PIWIL2: variants seen among roughly 807,000 people sequenced by gnomAD.
The protein encoded by PIWIL2 is piwi like RNA-mediated gene silencing 2.
In PIWIL2, 81 loss-of-function variants were observed where a neutral mutation model predicts 116.5. The observed-to-expected ratio is 0.70, with a 90% CI of 0.58 to 0.84. PIWIL2 has a LOEUF of 0.84. Among genes scored for constraint, PIWIL2 ranks in the 40% least tolerant of loss-of-function variants. The pLI is 0.00. For missense variants in PIWIL2, 1,272 were observed against 1,212.3 expected, an observed-to-expected ratio of 1.05 and a Z score of -0.73; for synonymous variants, 489 against 429.5, an observed-to-expected ratio of 1.14 and a Z score of -1.71.
At chr8:22,306,322 A>G (rs1291969402) in intron 13 of PIWIL2, among the ~76,000 whole-genome samples, 1 of 152,246 alleles carries the variant, frequency 6.6e-6, no homozygotes, top group Non-Finnish European at 1.5e-5. Flanking sequence ...CAGGTGGATA[A>G]TTGTAAACTG....
intron 20 of PIWIL2, among the ~76,000 whole-genome samples, chr8:22,342,142 A>G (rs1435329252): frequency 7.4e-6 from 1 of 134,598 alleles, no homozygotes; most frequent in African/African-American, 2.5e-5. Context: ...AAACTACAAA[A>G]CTGATGAAAA....
At chr8:22,308,577 C>T (rs987003884) in intron 14 of PIWIL2, among the ~76,000 whole-genome samples, 13 of 151,988 alleles carry the variant, frequency 8.6e-5, no homozygotes, top group African/African-American at 2.2e-4. Context: ...CACTTGAACC[C>T]GGGAGGTGGA....
Position 22,353,133 on chromosome 8 carries a change from C to T in PIWIL2, c.2578C>T (p.Leu860=). Residue 860 remains leucine (L), a synonymous_variant, in exon 21 of 23, where the codon CTA becomes TTA. Transcript: ENST00000356766. ...FVVQKKISTN[L]YLAAPQNFVT... ...AGTTCAGAAGAAAATCAGTACTAAT[C>T]TATATCTGGCTGCTCCTCAGAACTT... 1 of 1,613,620 alleles carries T rather than the reference C, an allele frequency of 6.2e-7. No homozygotes were observed. The highest frequency in any genetic ancestry group is 1.1e-5 in the South Asian group (1 of 91,060).
intron 19 of PIWIL2, among the ~76,000 whole-genome samples, chr8:22,317,721 A>C (rs1831495397): frequency 6.6e-6 from 1 of 151,976 alleles, no homozygotes; most frequent in Admixed American, 6.6e-5. Context: ...ATGCAATGGC[A>C]CAGTCTCAGC....
intron 10 of PIWIL2, among the ~76,000 whole-genome samples, chr8:22,291,779 A>T (rs925351804): frequency 2.6e-5 from 4 of 152,202 alleles, no homozygotes; most frequent in African/African-American, 7.2e-5. Flanking sequence ...GAGTCTTAGG[A>T]CCTATCAGAT....
chr8:22,310,153 G>A, intron 15 of PIWIL2, 79 bp downstream of exon 15: 2 of 764,492 alleles, frequency 2.6e-6, no homozygotes, highest in Non-Finnish European at 4.4e-6. Context: ...ATGATCTAGA[G>A]TCTTCTTTTT....
At chr8:22,283,726 G>T (rs1375277145) in intron 5 of PIWIL2, among the ~76,000 whole-genome samples, 2 of 152,166 alleles carry the variant, frequency 1.3e-5, no homozygotes, top group Admixed American at 6.6e-5. Context: ...GACAATTTCT[G>T]AAGTTAGATG....
Position 22,349,141 on chromosome 8 carries a change from C to T in PIWIL2, c.2404-3818C>T, listed in dbSNP as rs183058842. The stretch of plus-strand genomic sequence containing the variant: ...TCTGCTCACTGCAACCTCTGCCCCC[C>T]GGGTTCAATGCACGCCACCAGGCCT... On this transcript the variant is annotated intron_variant, in intron 20 of 22. Transcript: ENST00000356766. Among the ~76,000 whole-genome samples the T allele has an allele frequency of 5.0e-3, 747 of 150,656 alleles. 4 individuals carry two copies. Among genetic ancestry groups the T allele is most frequent in the Non-Finnish European group, 7.4e-3 (503 of 67,698 alleles).
At chr8:22,290,100 TAAC>T in intron 9 of PIWIL2, 130 bp from the exon 10 acceptor site, 1 of 704,484 alleles carries the variant, frequency 1.4e-6, no homozygotes, top group Non-Finnish European at 2.4e-6. Flanking sequence ...TAATGTCAAT[TAAC>T]TTAGTTTCTT....
chr8:22,283,106 A>C lies in PIWIL2; in HGVS notation c.498A>C (p.Glu166Asp), dbSNP rs1830548247. 1 of 1,614,022 alleles carries C rather than the reference A, an allele frequency of 6.2e-7. No individual in the cohort carries two copies. The highest frequency in any genetic ancestry group is 1.3e-5 in the African/African-American group (1 of 74,908). ...GAGCAGCAGGTGGTATCAGCAGAGA[A>C]GTGGACAAGCCTCCCTGTACCTTCA... is the stretch of plus-strand genomic sequence containing the variant. ...LGRAAGGISR[E>D]VDKPPCTFST... The change falls in exon 5 of 23, where the codon GAA becomes GAC. Residue 166 changes from glutamate to aspartate, a missense_variant. Transcript: ENST00000356766.
At chr8:22,351,441 ATATATATATATATATATATATATATATAT>A (rs1254922534) in intron 20 of PIWIL2, among the ~76,000 whole-genome samples, 164 of 15,906 alleles carry the variant, frequency 0.01, 7 homozygotes, top group African/African-American at 0.056. Flanking sequence ...GCATACATAC[ATATATATATATATATATATATATATATAT>A]ATATATATAT....
intron 6 of PIWIL2, among the ~76,000 whole-genome samples, chr8:22,284,709 T>C (rs1337515389): frequency 6.9e-6 from 1 of 144,274 alleles, no homozygotes; most frequent in East Asian, 2.3e-4. Flanking sequence ...TGAGCCATCA[T>C]ACCAACATCT....
At chr8:22,292,292 C>G (rs1173720212) in intron 10 of PIWIL2, among the ~76,000 whole-genome samples, 1 of 152,310 alleles carries the variant, frequency 6.6e-6, no homozygotes, top group South Asian at 2.1e-4. Flanking sequence ...GAAAGGATCC[C>G]TGTTGTTGCT....
At chr8:22,292,561 G>A (rs1175359640) in intron 10 of PIWIL2, among the ~76,000 whole-genome samples, 1 of 152,236 alleles carries the variant, frequency 6.6e-6, no homozygotes, top group East Asian at 1.9e-4. Context: ...GGCAGAGGCC[G>A]TGTCTTTTTT....
At chr8:22,352,439 A>AC (rs1309249991) in intron 20 of PIWIL2, among the ~76,000 whole-genome samples, 1 of 152,244 alleles carries the variant, frequency 6.6e-6, no homozygotes, top group Non-Finnish European at 1.5e-5. Flanking sequence ...TATGTTTTAC[A>AC]CCATACCAGA....
chr8:22,322,631 T>G (rs1036272894), intron 20 of PIWIL2, among the ~76,000 whole-genome samples: 2 of 151,350 alleles, frequency 1.3e-5, no homozygotes, highest in East Asian at 1.9e-4. Context: ...GTCCTGTCCT[T>G]TCCTTTCCTT....
intron 2 of PIWIL2, among the ~76,000 whole-genome samples, chr8:22,279,889 G>A (rs182521338): frequency 8.5e-5 from 13 of 152,290 alleles, no homozygotes; most frequent in East Asian, 5.8e-4. Flanking sequence ...CCGTGGAGGC[G>A]GAGGTTGCGG....
chr8:22,282,899 G>A (rs924851256), intron 4 of PIWIL2, 135 bp from the exon 5 acceptor site: 31 of 713,330 alleles, frequency 4.3e-5, no homozygotes, highest in Middle Eastern at 3.8e-4. Context: ...CTTGGCATAT[G>A]TAGTTTGAGA....
intron 20 of PIWIL2, among the ~76,000 whole-genome samples, chr8:22,347,096 AG>A (rs1032268029): frequency 7.9e-5 from 12 of 151,354 alleles, no homozygotes; most frequent in Non-Finnish European, 1.5e-5. Flanking sequence ...GCTTGAGTTC[AG>A]GAAGTTCAGA....
Sources: allele counts gnomAD v4.1 joint callset (sites outside exome capture counted in the v4.1 genomes callset), GRCh38; gene constraint gnomAD v4.1.1; transcripts MANE v1.5; gene names NCBI Gene and HGNC (gene_info 2026-07-23, HGNC 2026-07-21).